LRP1B: variants seen among roughly 807,000 people sequenced by gnomAD.
LRP1B encodes low-density lipoprotein receptor-related protein 1B.
Under a neutral mutation model 556.6 loss-of-function variants are expected in LRP1B, and 217 were observed. The observed-to-expected ratio is 0.39, with a 90% confidence interval of 0.35 to 0.44. LRP1B has a LOEUF of 0.44. Among genes scored for constraint, LRP1B ranks in the 20% least tolerant of loss-of-function variants. The pLI is 1.00. For synonymous variants in LRP1B, 2,047 were observed against 1,865.8 expected (o/e 1.10, Z -2.50); for missense variants, 5,053 against 5,620.8 (o/e 0.90, Z 3.23).
chr2:140,520,374 A>G (rs554903474), intron 49 of LRP1B, among the ~76,000 whole-genome samples: 27 of 152,140 alleles, frequency 1.8e-4, no homozygotes, highest in East Asian at 9.7e-4. Context: ...CAAACACCAC[A>G]TGTTCTCACT....
chr2:141,190,252 C>T (rs1425231746), intron 6 of LRP1B, among the ~76,000 whole-genome samples: 3 of 151,962 alleles, frequency 2.0e-5, no homozygotes, highest in Non-Finnish European at 4.4e-5. Flanking sequence ...CTCTGTGGAA[C>T]CCCAGTGAGT....
intron 2 of LRP1B, among the ~76,000 whole-genome samples, chr2:141,614,346 G>C (rs1377006372): frequency 1.4e-4 from 21 of 152,134 alleles, no homozygotes; most frequent in Admixed American, 1.4e-3. Context: ...AATATAGTGT[G>C]TATATACTCA....
At chr2:140,600,767 G>GTTTTTTTTTTTTTTTTTTTTTTT (rs61336155) in intron 42 of LRP1B, among the ~76,000 whole-genome samples, 2 of 56,910 alleles carry the variant, frequency 3.5e-5, no homozygotes, top group Non-Finnish European at 3.4e-5. Flanking sequence ...GTTCTTCGGG[G>GTTTTTTTTTTTTTTTTTTTTTTT]TTTTTTTTTT....
chr2:141,926,545 C>A (rs568990993), intron 1 of LRP1B, among the ~76,000 whole-genome samples: 11 of 152,224 alleles, frequency 7.2e-5, no homozygotes, highest in African/African-American at 2.4e-4. Flanking sequence ...CACTTCCAAC[C>A]TATTAGATAG....
At chr2:140,572,793 G>A (rs375419203) in intron 43 of LRP1B, among the ~76,000 whole-genome samples, 1 of 22,520 alleles carries the variant, frequency 4.4e-5, no homozygotes, top group Non-Finnish European at 9.8e-5. Context: ...ATACTATTCA[G>A]CCATAAAATA....
At chr2:140,661,259 T>C (rs576764287) in intron 41 of LRP1B, among the ~76,000 whole-genome samples, 1 of 152,082 alleles carries the variant, frequency 6.6e-6, no homozygotes, top group Non-Finnish European at 1.5e-5. Context: ...GAAAAGCAGA[T>C]AGGCCCAATT....
rs542911011 is a variant in LRP1B at position 140,646,375 on chromosome 2, T to C, written c.6800-44736A>G. Among the ~76,000 whole-genome samples the C allele has an allele frequency of 5.3e-5, 8 of 152,300 alleles. No homozygotes were observed. In the South Asian group the frequency reaches 8.3e-4, roughly 16 times the overall value. ...AGTTCTTACGATTGCATAGCAATGG[T>C]ATGGTGGTATGTAGATCATTTCCCA... On this transcript the variant is annotated intron_variant, in intron 41 of 90. Transcript: ENST00000389484.
intron 3 of LRP1B, among the ~76,000 whole-genome samples, chr2:141,471,138 C>T (rs989703227): frequency 6.6e-6 from 1 of 152,078 alleles, no homozygotes; most frequent in African/African-American, 2.4e-5. Flanking sequence ...TACAGTAATG[C>T]ACATATATAT....
intron 79 of LRP1B, among the ~76,000 whole-genome samples, 165 bp downstream of exon 79, chr2:140,334,288 T>C (rs758264649): frequency 1.4e-4 from 21 of 152,074 alleles, no homozygotes; most frequent in Non-Finnish European, 4.4e-5. Context: ...GATTTTCAAG[T>C]TGAGAAAATA....
At chr2:141,121,786 A>G (rs1471904280) in intron 7 of LRP1B, among the ~76,000 whole-genome samples, 1 of 151,900 alleles carries the variant, frequency 6.6e-6, no homozygotes, top group Non-Finnish European at 1.5e-5. Context: ...AAGAGCCCTC[A>G]TTGCCAAGAC....
At chr2:141,435,306 G>T (rs1680722497) in intron 3 of LRP1B, among the ~76,000 whole-genome samples, 1 of 152,098 alleles carries the variant, frequency 6.6e-6, no homozygotes, top group South Asian at 2.1e-4. Flanking sequence ...TGCTCTGATT[G>T]CTCCTGAGTG....
intron 1 of LRP1B, among the ~76,000 whole-genome samples, chr2:142,025,426 T>G (rs1216573693): frequency 1.3e-5 from 2 of 152,126 alleles, no homozygotes; most frequent in Admixed American, 1.3e-4. Flanking sequence ...TTATTCCCAT[T>G]TAGAAATAAG....
chr2:141,117,560 C>A (rs923520541), intron 7 of LRP1B, among the ~76,000 whole-genome samples: 1 of 151,912 alleles, frequency 6.6e-6, no homozygotes, highest in African/African-American at 2.4e-5. Context: ...ATTAGACTAC[C>A]TCACCACTTT....
At chr2:142,067,185 G>C (rs972378203) in intron 1 of LRP1B, among the ~76,000 whole-genome samples, 1 of 151,294 alleles carries the variant, frequency 6.6e-6, no homozygotes, top group Non-Finnish European at 1.5e-5. Context: ...AACACACCCA[G>C]ATAATCCAGG....
chr2:142,060,709 T>C (rs1704874506), intron 1 of LRP1B, among the ~76,000 whole-genome samples: 1 of 152,056 alleles, frequency 6.6e-6, no homozygotes, highest in African/African-American at 2.4e-5. Flanking sequence ...TTTAAGAGAA[T>C]ACATATGAAA....
At chr2:141,582,827 CTTTTTTT>C (rs869158175) in intron 2 of LRP1B, among the ~76,000 whole-genome samples, 1 of 71,784 alleles carries the variant, frequency 1.4e-5, no homozygotes, top group African/African-American at 5.3e-5. Context: ...ACCTATTAAA[CTTTTTTT>C]TTTTTTTTTT....
intron 43 of LRP1B, among the ~76,000 whole-genome samples, chr2:140,598,143 C>A (rs1272465987): frequency 6.6e-6 from 1 of 152,150 alleles, no homozygotes; most frequent in Non-Finnish European, 1.5e-5. Context: ...TCATTTTGAA[C>A]CCAGAGAAAA....
intron 2 of LRP1B, among the ~76,000 whole-genome samples, chr2:141,597,483 T>C (rs1291330146): frequency 1.3e-5 from 2 of 152,116 alleles, no homozygotes; most frequent in African/African-American, 2.4e-5. Flanking sequence ...CACATCCTAA[T>C]GGTCAACTCA....
At chr2:141,659,521 T>G (rs148335489) in intron 2 of LRP1B, among the ~76,000 whole-genome samples, 1 of 152,048 alleles carries the variant, frequency 6.6e-6, no homozygotes, top group African/African-American at 2.4e-5. Flanking sequence ...AACAATGACT[T>G]ATGCTGCATA....
Sources: allele counts gnomAD v4.1 joint callset (sites outside exome capture counted in the v4.1 genomes callset), GRCh38; gene constraint gnomAD v4.1.1; transcripts MANE v1.5; gene names NCBI Gene and HGNC (gene_info 2026-07-23, HGNC 2026-07-21).